The following DIAPH2 variants were observed in gnomAD, a reference collection of about 807,000 sequenced individuals.
DIAPH2 encodes the protein protein diaphanous homolog 2.
Under a neutral mutation model 92.7 loss-of-function variants are expected in DIAPH2, and 35 were observed. The observed-to-expected ratio is 0.38, with a 90% CI of 0.29 to 0.50. The LOEUF (loss-of-function observed/expected upper bound fraction) is 0.50. DIAPH2 is among the 20% of genes least tolerant of loss of function. The pLI is 0.94. For synonymous variants in DIAPH2, 301 were observed against 280.4 expected (o/e 1.07, Z -0.73); for missense variants, 701 against 819.5 (o/e 0.86, Z 1.77).
intron 26 of DIAPH2, among the ~76,000 whole-genome samples, chrX:97,534,364 T>G (rs1286649598): frequency 9.0e-6 from 1 of 110,892 alleles, no homozygotes. Flanking sequence ...TTCTTATAAA[T>G]TATGTGTATC....
intron 22 of DIAPH2, among the ~76,000 whole-genome samples, chrX:97,210,339 C>T (rs1389654918): frequency 8.9e-6 from 1 of 111,827 alleles, no homozygotes; most frequent in Non-Finnish European, 1.9e-5. Context: ...CTGTGTTCAT[C>T]TATTTATCAG....
chrX:97,353,400 A>G lies in DIAPH2; in HGVS notation c.3009+5120A>G, dbSNP rs926853296. 7.2e-5 allele frequency among the ~76,000 whole-genome samples: 8 copies of G among 111,279 alleles called. 1 individual carries two copies. Among genetic ancestry groups the G allele is most frequent in the Non-Finnish European group, 1.5e-4 (8 of 52,740 alleles). On this transcript the variant is annotated intron_variant, in intron 24 of 26. Transcript: ENST00000324765. ...TGTTCACGGCAAGTATTATACTTCT[A>G]TAACTTTCACAGCTCCAAATAAATT...
At chrX:97,033,902 T>C (rs1333535379) in intron 17 of DIAPH2, among the ~76,000 whole-genome samples, 1 of 111,963 alleles carries the variant, frequency 8.9e-6, no homozygotes, top group African/African-American at 3.2e-5. Flanking sequence ...TGATGACTTC[T>C]AATACTTCAT....
chrX:97,141,755 T>C lies in DIAPH2; in HGVS notation c.2680T>C (p.Phe894Leu). 8.3e-7 allele frequency: 1 copy of C among 1,205,316 alleles called. No individual in the cohort carries two copies. Among genetic ancestry groups the C allele is most frequent in the Non-Finnish European group, 1.1e-6 (1 of 893,418 alleles). Reference sequence around the variant, plus strand: ...GGAAAAATATCGAGATATCCTAAAATTTCCTGAAGAACTGGAACACGTAGA... The same window carrying C: ...GGAAAAATATCGAGATATCCTAAAACTTCCTGAAGAACTGGAACACGTAGA... ...CEEKYRDILK[F>L]PEELEHVESA... is the part of the protein sequence containing the mutation. Residue 894 changes from phenylalanine (F) to leucine (L), a missense_variant, in exon 22 of 27, where the codon TTT (phenylalanine) becomes CTT (leucine). Coordinates refer to ENST00000324765, the MANE Select transcript of DIAPH2 (RefSeq NM_006729.5).
chrX:96,838,457 T>C (rs1406868251), intron 4 of DIAPH2, among the ~76,000 whole-genome samples: 2 of 112,391 alleles, frequency 1.8e-5, no homozygotes, highest in East Asian at 2.8e-4. Context: ...TACTTTCATG[T>C]CATTATCTAA....
At chrX:97,138,908 A>G (rs1602367863) in intron 21 of DIAPH2, among the ~76,000 whole-genome samples, 1 of 111,438 alleles carries the variant, frequency 9.0e-6, no homozygotes, top group South Asian at 3.8e-4. Context: ...CACCACTAAG[A>G]CTTAGGCAAT....
intron 4 of DIAPH2, among the ~76,000 whole-genome samples, chrX:96,878,430 C>G (rs192022510): frequency 4.5e-5 from 5 of 111,643 alleles, no homozygotes; most frequent in Admixed American, 1.9e-4. Context: ...TCTTTAAGGG[C>G]CAGTCCAGCC....
At chrX:97,135,715 C>A (rs886732252) in intron 21 of DIAPH2, among the ~76,000 whole-genome samples, 11 of 111,257 alleles carry the variant, frequency 9.9e-5, no homozygotes, top group African/African-American at 3.6e-4. Flanking sequence ...GATCAAACAA[C>A]TTATGAGCTC....
intron 23 of DIAPH2, among the ~76,000 whole-genome samples, chrX:97,271,071 T>C (rs1355389295): frequency 9.0e-6 from 1 of 110,880 alleles, no homozygotes; most frequent in East Asian, 2.9e-4. Flanking sequence ...AACTAATGAA[T>C]AGAATTATTG....
chrX:97,162,194 C>T (rs1239198133), intron 22 of DIAPH2, among the ~76,000 whole-genome samples: 4 of 110,718 alleles, frequency 3.6e-5, no homozygotes, highest in South Asian at 3.9e-4. Flanking sequence ...GCAATCTTTT[C>T]GAATCATCTA....
At chrX:97,132,985 CA>C (rs199996355) in intron 21 of DIAPH2, among the ~76,000 whole-genome samples, 3,008 of 110,975 alleles carry the variant, frequency 0.027, 100 homozygotes, top group African/African-American at 0.088. Flanking sequence ...CATGTAAATC[CA>C]AAAGGAAAGG....
At chrX:97,384,125 A>T in intron 25 of DIAPH2, 81 bp downstream of exon 25, 1 of 870,321 alleles carries the variant, frequency 1.1e-6, no homozygotes. Flanking sequence ...TTATAAAGTA[A>T]ATTTTCATAG....
chrX:97,468,093 C>T (rs1337700838), intron 26 of DIAPH2, among the ~76,000 whole-genome samples: 1 of 111,861 alleles, frequency 8.9e-6, no homozygotes, highest in African/African-American at 3.2e-5. Context: ...AAAAAACAAA[C>T]AGAAGTAAAA....
intron 3 of DIAPH2, among the ~76,000 whole-genome samples, chrX:96,756,632 T>A (rs2071064921): frequency 8.9e-6 from 1 of 111,750 alleles, no homozygotes; most frequent in South Asian, 3.7e-4. Flanking sequence ...TTCATTTTGC[T>A]TAGGTATGTA....
chrX:97,058,507 G>A (rs1307468618), intron 17 of DIAPH2, among the ~76,000 whole-genome samples: 18 of 97,027 alleles, frequency 1.9e-4, no homozygotes, highest in African/African-American at 6.5e-4. Context: ...TGACCTTCCT[G>A]CTACTTTTGA....
chrX:97,136,873 C>T lies in DIAPH2; in HGVS notation c.2590-4792C>T, dbSNP rs1001128841. ...TTGCCCTTTTTTTGTCTTTTCTACA[C>T]ATACCCTAGTTATCATTTTAAGTAT... On this transcript the variant is annotated intron_variant, in intron 21 of 26. Transcript: ENST00000324765. 2.7e-5 allele frequency among the ~76,000 whole-genome samples: 3 copies of T among 110,760 alleles called. No individual in the cohort carries two copies. The South Asian group carries it at 1.2e-3, about 43-fold the overall frequency.
At chrX:97,530,400 T>G (rs2071051712) in intron 26 of DIAPH2, among the ~76,000 whole-genome samples, 2 of 111,875 alleles carry the variant, frequency 1.8e-5, no homozygotes, top group Admixed American at 9.5e-5. Context: ...TTTGGGACTC[T>G]TAAAGAACCT....
intron 23 of DIAPH2, among the ~76,000 whole-genome samples, chrX:97,290,984 T>C (rs2068585279): frequency 1.8e-5 from 2 of 109,622 alleles, no homozygotes; most frequent in Non-Finnish European, 3.8e-5. Flanking sequence ...CTGTAGAGGC[T>C]GAGACAGGAG....
intron 22 of DIAPH2, among the ~76,000 whole-genome samples, chrX:97,207,569 T>C (rs928367592): frequency 5.4e-5 from 6 of 111,469 alleles, no homozygotes. Flanking sequence ...AATACTGAGG[T>C]ACTAAGCAGT....
Sources: gnomAD v4.1 joint callset for allele counts (sites outside exome capture counted in the v4.1 genomes callset) on GRCh38, gnomAD v4.1.1 for gene constraint, MANE v1.5 for transcripts, NCBI Gene and HGNC (gene_info 2026-07-23, HGNC 2026-07-21) for gene names.